UNC45A: variants seen among roughly 807,000 people sequenced by gnomAD.
UNC45A encodes the protein protein unc-45 homolog A.
UNC45A carries 78 observed loss-of-function variants against 103.2 expected under a neutral mutation model. The ratio of observed to expected loss-of-function variants is 0.76; its 90% CI spans 0.63 to 0.91. The LOEUF is 0.91. Among genes scored for constraint, UNC45A ranks in the 40% least tolerant of loss-of-function variants. The probability of loss-of-function intolerance (pLI) is 0.00; values close to 1 mark genes in which losing one functional copy is unlikely to be tolerated. For missense variants in UNC45A, 1,193 were observed against 1,224.8 expected (o/e 0.97, Z 0.39); for synonymous variants, 495 against 504.6 (o/e 0.98, Z 0.25).
intron 3 of UNC45A, 31 bp from the exon 4 acceptor site, chr15:90,936,253 TG>T: frequency 6.3e-7 from 1 of 1,596,198 alleles, no homozygotes; most frequent in Non-Finnish European, 8.5e-7. Flanking sequence ...AGTGGCCTCA[TG>T]GGTGCTGACA....
chr15:90,945,086 C>T (rs1158391906), intron 9 of UNC45A, 23 bp downstream of exon 9: 2 of 1,606,448 alleles, frequency 1.2e-6, no homozygotes, highest in South Asian at 1.1e-5. Flanking sequence ...GTTTCACCTC[C>T]CGTTGCCAGG....
chr15:90,940,624 G>A, intron 6 of UNC45A, 151 bp downstream of exon 6: 4 of 1,007,508 alleles, frequency 4.0e-6, no homozygotes, highest in South Asian at 4.2e-5. Context: ...ATTCTAAAAA[G>A]AACTTAGGTA....
At chr15:90,949,478 A>C (rs2036768929) in intron 14 of UNC45A, 35 bp downstream of exon 14, 1 of 1,609,914 alleles carries the variant, frequency 6.2e-7, no homozygotes, top group Admixed American at 1.7e-5. Context: ...ACCTTTCCCA[A>C]CTCCTGAGCC....
chr15:90,931,161 T>C (rs1474709098), upstream of UNC45A: 11 of 1,313,898 alleles, frequency 8.4e-6, no homozygotes, highest in Non-Finnish European at 1.1e-5. Flanking sequence ...TTTTTTGGCC[T>C]CTAATATCTG....
At chr15:90,939,234 G>A (rs1021816276) in intron 4 of UNC45A, among the ~76,000 whole-genome samples, 1 of 152,182 alleles carries the variant, frequency 6.6e-6, no homozygotes, top group Non-Finnish European at 1.5e-5. Context: ...ACCTGCCTTG[G>A]CCTCCTAAAG....
chr15:90,942,816 C>T (rs2036362587), intron 7 of UNC45A, 96 bp from the exon 8 acceptor site: 2 of 1,520,344 alleles, frequency 1.3e-6, no homozygotes, highest in Non-Finnish European at 1.8e-6. Flanking sequence ...TGCGGATCCC[C>T]CCTTCCCTGT....
chr15:90,941,322 C>T (rs1313316247), intron 6 of UNC45A, among the ~76,000 whole-genome samples: 1 of 152,146 alleles, frequency 6.6e-6, no homozygotes, highest in Non-Finnish European at 1.5e-5. Flanking sequence ...TGCTCCTGGG[C>T]CAGTGTGGTG....
At chr15:90,946,988 T>G (rs2036609618) in intron 10 of UNC45A, 74 bp downstream of exon 10, 2 of 1,521,324 alleles carry the variant, frequency 1.3e-6, no homozygotes, top group Non-Finnish European at 1.8e-6. Context: ...TTGCAGGGTG[T>G]GGCCCCAGCA....
intron 4 of UNC45A, among the ~76,000 whole-genome samples, chr15:90,938,964 GC>G (rs2036154342): frequency 6.6e-6 from 1 of 151,862 alleles, no homozygotes; most frequent in South Asian, 2.1e-4. Context: ...GAGCCACCGT[GC>G]CTGGCTTCAG....
intron 17 of UNC45A, among the ~76,000 whole-genome samples, chr15:90,951,085 G>A (rs868704857): frequency 3.3e-5 from 5 of 152,074 alleles, no homozygotes; most frequent in Middle Eastern, 3.2e-3. Context: ...TCAGCTCACC[G>A]CAACCTCTGC....
At position 90,953,608 on chromosome 15, in the gene UNC45A, G is replaced by C; in HGVS notation, c.2727G>C (p.Leu909Phe). The change falls in exon 20 of 20, where the codon TTG (leucine) becomes TTC (phenylalanine). Residue 909 changes from leucine to phenylalanine, a missense_variant. Transcript: ENST00000418476. Reference sequence around the variant, plus strand: ...TGGAGAGTGAGATGATGGAGATCTTGTCAGTGCTAGCTAAGGGTGACCACA... The same window carrying C: ...TGGAGAGTGAGATGATGGAGATCTTCTCAGTGCTAGCTAAGGGTGACCACA... ...TLMESEMMEI[L>F]SVLAKGDHSP... 6.2e-7 allele frequency: 1 copy of C among 1,614,142 alleles called. No individual in the cohort carries two copies. The highest frequency in any genetic ancestry group is 8.5e-7 in the Non-Finnish European group (1 of 1,180,022).
chr15:90,950,492 C>T lies in UNC45A; in HGVS notation c.2188-8C>T, dbSNP rs1263092577. On this transcript the variant is annotated splice_polypyrimidine_tract_variant and splice_region_variant and intron_variant, in intron 16 of 19. Coordinates refer to ENST00000418476, the MANE Select transcript of UNC45A (RefSeq NM_018671.5). ...AAGTACCCCTGACAGGTGGGGTGCACATTGCAGATCTATGAGGTGGTCCGG... is the reference window on the plus strand; with the variant it reads ...AAGTACCCCTGACAGGTGGGGTGCATATTGCAGATCTATGAGGTGGTCCGG... 6.2e-7 allele frequency: 1 copy of T among 1,613,570 alleles called. No homozygotes were observed.
At chr15:90,942,744 T>C in intron 7 of UNC45A, 139 bp downstream of exon 7, 2 of 1,504,854 alleles carry the variant, frequency 1.3e-6, no homozygotes, top group Non-Finnish European at 1.8e-6. Context: ...ATTATTTTAC[T>C]CTAGATTCTC....
chr15:90,948,710 C>T lies in UNC45A; in HGVS notation c.1794C>T (p.Asn598=). ...CCTCAGCGCTGGTGAACTGCACCAACAGCTATGACTACGAGGAGCCCGACC... is the reference window on the plus strand; with the variant it reads ...CCTCAGCGCTGGTGAACTGCACCAATAGCTATGACTACGAGGAGCCCGACC... ...AVASALVNCT[N]SYDYEEPDPK... is the part of the protein sequence containing the mutation. Residue 598 remains asparagine, a synonymous_variant, in exon 13 of 20, where the codon AAC becomes AAT. Transcript: ENST00000418476. The T allele has an allele frequency of 6.2e-7, 1 of 1,614,062 alleles. No homozygotes were observed. Among genetic ancestry groups the T allele is most frequent in the Non-Finnish European group, 8.5e-7 (1 of 1,180,024 alleles).
chr15:90,946,369 G>A (rs955486478), intron 9 of UNC45A, among the ~76,000 whole-genome samples: 1 of 152,142 alleles, frequency 6.6e-6, no homozygotes, highest in Non-Finnish European at 1.5e-5. Context: ...AGTCCAGGAA[G>A]GGACATCACT....
At chr15:90,934,633 A>AGGCTT, upstream of UNC45A, 1 of 398,536 alleles carries the variant, frequency 2.5e-6, no homozygotes. Context: ...ATGGGGTGGT[A>AGGCTT]GGCTTGTAAC....
chr15:90,953,080 G>A (rs770079391), intron 18 of UNC45A, 34 bp downstream of exon 18: 2 of 1,613,358 alleles, frequency 1.2e-6, no homozygotes. Flanking sequence ...TGACAGGCGG[G>A]GATGCAGAGG....
At chr15:90,946,264 AAAAAAAAG>A (rs1355542107) in intron 9 of UNC45A, among the ~76,000 whole-genome samples, 8 of 151,742 alleles carry the variant, frequency 5.3e-5, no homozygotes, top group African/African-American at 1.9e-4. Context: ...AAAAAAAAAA[AAAAAAAAG>A]AAAGAAAAAA....
At chr15:90,932,088 G>A (rs149008342), upstream of UNC45A, 66 of 1,606,906 alleles carry the variant, frequency 4.1e-5, no homozygotes, top group East Asian at 1.4e-3. Context: ...TTCCCGCCTC[G>A]TGGGTCAGGA....
Sources: allele counts gnomAD v4.1 joint callset (sites outside exome capture counted in the v4.1 genomes callset), GRCh38; gene constraint gnomAD v4.1.1; transcripts MANE v1.5; gene names NCBI Gene and HGNC (gene_info 2026-07-23, HGNC 2026-07-21).